Variants in C4orf50 observed in about 807,000 individuals in gnomAD.
C4orf50 encodes uncharacterized protein C4orf50.
In C4orf50, 80 loss-of-function variants were observed where a neutral mutation model predicts 77.2. That is an observed-to-expected ratio of 1.04 (90% CI 0.87 to 1.25). The LOEUF (loss-of-function observed/expected upper bound fraction) is 1.25, where lower values mean the gene tolerates loss of function less well. Among genes scored for constraint, C4orf50 ranks in the 50% most tolerant of loss-of-function variants. C4orf50 has a pLI of 0.00. For synonymous variants in C4orf50, 532 were observed against 465.3 expected, an observed-to-expected ratio of 1.14 and a Z score of -1.84; for missense variants, 1,257 against 1,152.9, an observed-to-expected ratio of 1.09 and a Z score of -1.31.
chr4:5,960,182 G>A (rs6822081), intron 33 of C4orf50, among the ~76,000 whole-genome samples: 83,263 of 152,074 alleles, frequency 0.55, 23,899 homozygotes, highest in Non-Finnish European at 0.64. Context: ...GCTCTGAAGT[G>A]GCTTCGACTT....
At chr4:5,931,689 T>C (rs1000516289) in intron 7 of C4orf50, among the ~76,000 whole-genome samples, 23 of 152,152 alleles carry the variant, frequency 1.5e-4, no homozygotes, top group African/African-American at 5.1e-4. Flanking sequence ...CACTCCACCC[T>C]CTCTGCAGGG....
At chr4:5,918,925 C>G (rs1054269443) in intron 7 of C4orf50, among the ~76,000 whole-genome samples, 2 of 152,176 alleles carry the variant, frequency 1.3e-5, no homozygotes, top group Non-Finnish European at 2.9e-5. Context: ...GCATACCCCT[C>G]CCAGGTGGTT....
At chr4:5,926,458 T>C (rs753220640) in intron 7 of C4orf50, among the ~76,000 whole-genome samples, 9 of 152,138 alleles carry the variant, frequency 5.9e-5, no homozygotes, top group Non-Finnish European at 1.3e-4. Flanking sequence ...AGACAGGGAC[T>C]GTCTAAAGGG....
chr4:5,932,275 A>G lies in C4orf50; in HGVS notation c.*2474+24626T>C, dbSNP rs1240620213. Among the ~76,000 whole-genome samples, 3 of 152,078 alleles carry G rather than the reference A, an allele frequency of 2.0e-5. No individual in the cohort carries two copies. Among genetic ancestry groups the G allele is most frequent in the Non-Finnish European group, 2.9e-5 (2 of 68,006 alleles). On this transcript the variant is annotated intron_variant, in intron 7 of 7. Coordinates refer to the C4orf50 transcript ENST00000324058. The surrounding 1 kb of genome is among the most constrained non-coding windows in gnomAD (Gnocchi z 4.2). ...CTCTGGCACACTCTTTCCTTGGCCC[A>G]TTTATGGAGCACGCACATGAGTAGC...
At chr4:6,014,477 A>G (rs192924421) in intron 23 of C4orf50, among the ~76,000 whole-genome samples, 2 of 152,292 alleles carry the variant, frequency 1.3e-5, no homozygotes, top group African/African-American at 4.8e-5. Flanking sequence ...TCTTCCTCAC[A>G]TTTCTAGCAA....
At chr4:5,937,770 C>T (rs535855122) in intron 7 of C4orf50, among the ~76,000 whole-genome samples, 1 of 152,176 alleles carries the variant, frequency 6.6e-6, no homozygotes, top group South Asian at 2.1e-4. Context: ...GCCCAAGAAA[C>T]TCAGAATAAC....
Position 5,910,196 on chromosome 4 carries a change from A to T in C4orf50, c.*2475-12008T>A, listed in dbSNP as rs546408552. Reference sequence around the variant, plus strand: ...GAGCAAGACACAGAGAAACATACATAAAAAAACCCCAAGAGAAACTGTTCA... The same window carrying T: ...GAGCAAGACACAGAGAAACATACATTAAAAAACCCCAAGAGAAACTGTTCA... On this transcript the variant is annotated intron_variant, in intron 7 of 7. Coordinates refer to the C4orf50 transcript ENST00000324058. Among the ~76,000 whole-genome samples the T allele has an allele frequency of 1.1e-4, 16 of 152,268 alleles. No individual in the cohort carries two copies. In the East Asian group the frequency reaches 1.5e-3, roughly 15 times the overall value.
intron 28 of C4orf50, among the ~76,000 whole-genome samples, chr4:5,987,479 A>T (rs1257042578): frequency 6.6e-6 from 1 of 151,630 alleles, no homozygotes; most frequent in Non-Finnish European, 1.5e-5. Context: ...ATCAAATACA[A>T]ACAATAAATA....
At chr4:5,998,883 A>T (rs1472232936) in intron 25 of C4orf50, among the ~76,000 whole-genome samples, 1 of 152,134 alleles carries the variant, frequency 6.6e-6, no homozygotes, top group Non-Finnish European at 1.5e-5. Context: ...GCCAAATATG[A>T]ATGGTTCTTA....
At chr4:6,001,918 A>G (rs572722585) in intron 25 of C4orf50, among the ~76,000 whole-genome samples, 43 of 152,310 alleles carry the variant, frequency 2.8e-4, no homozygotes, top group South Asian at 1.4e-3. Context: ...ACTGACAGCC[A>G]TGCATGTGAG....
intron 31 of C4orf50, 134 bp from the exon 10 acceptor site, chr4:5,967,596 T>C: frequency 1.4e-6 from 1 of 723,674 alleles, no homozygotes; most frequent in African/African-American, 1.7e-5. Context: ...GGACCAACCC[T>C]GCCTGTGTGC....
intron 23 of C4orf50, among the ~76,000 whole-genome samples, chr4:6,014,934 C>T (rs563011080): frequency 6.6e-6 from 1 of 152,300 alleles, no homozygotes; most frequent in African/African-American, 2.4e-5. Flanking sequence ...TCATGGTGTC[C>T]CCCTGGGAAT....
intron 7 of C4orf50, among the ~76,000 whole-genome samples, chr4:5,910,268 C>G (rs1716746768): frequency 6.6e-6 from 1 of 152,228 alleles, no homozygotes; most frequent in East Asian, 1.9e-4. Flanking sequence ...CAGGTTAAAC[C>G]TAGTTCAACT....
At position 5,905,985 on chromosome 4, in the gene C4orf50, T is replaced by G. The variant is rs114880492; in HGVS notation, c.*2475-7797A>C. Among the ~76,000 whole-genome samples, 3,003 of 151,888 alleles carry G rather than the reference T, an allele frequency of 0.02. 54 individuals are homozygous for G. The highest frequency in any genetic ancestry group is 0.046 in the South Asian group (221 of 4,808). ...CACGTTACAGAGGGTGACATAGGAA[T>G]CATCAAACAAATGCAAGTCCCAGGT... On this transcript the variant is annotated intron_variant, in intron 7 of 7. Coordinates refer to the C4orf50 transcript ENST00000324058. This position sits in a 1 kb window ranked among gnomAD's most constrained non-coding sequence, Gnocchi z 5.4.
intron 7 of C4orf50, among the ~76,000 whole-genome samples, chr4:5,918,241 C>T (rs1322929530): frequency 6.6e-6 from 1 of 152,168 alleles, no homozygotes; most frequent in Non-Finnish European, 1.5e-5. Context: ...AGAACGTCAG[C>T]CAGTTCAAAT....
chr4:6,004,179 A>ATAG (rs1722062984), intron 25 of C4orf50, among the ~76,000 whole-genome samples: 1 of 92,868 alleles, frequency 1.1e-5, no homozygotes, highest in Non-Finnish European at 2.2e-5. Context: ...GATGGTGATG[A>ATAG]TGGTGATGGT....
chr4:6,015,974 C>T lies in C4orf50; in HGVS notation c.287+2171G>A, dbSNP rs958404954. Among the ~76,000 whole-genome samples, 1 of 152,130 alleles carries T rather than the reference C, an allele frequency of 6.6e-6. No homozygotes were observed. Among genetic ancestry groups the T allele is most frequent in the East Asian group, 1.9e-4 (1 of 5,188 alleles). On this transcript the variant is annotated intron_variant, in intron 23 of 33. Coordinates refer to ENST00000531445, the Ensembl canonical transcript of C4orf50. The surrounding 1 kb of genome is among the most constrained non-coding windows in gnomAD (Gnocchi z 4.4). The stretch of plus-strand genomic sequence containing the variant: ...CATAGTCCCAGCCTGCGTGAGTGTG[C>T]GCGTGGGTGTGAGTGTCCTGTTCAG...
At chr4:5,897,708 C>T (rs1716182275) in exon 8 of C4orf50, 1 of 152,172 alleles carries the variant, frequency 6.6e-6, no homozygotes, top group Non-Finnish European at 1.5e-5. Flanking sequence ...AAAATGCCGG[C>T]CTATTTTACA....
intron 30 of C4orf50, 120 bp downstream of exon 8, chr4:5,975,779 G>A (rs571105856): frequency 1.7e-5 from 13 of 763,840 alleles, no homozygotes; most frequent in East Asian, 8.0e-5. Context: ...GTGAGCCACC[G>A]TGCCTGGCCC....
Sources: gnomAD v4.1 joint callset for allele counts (sites outside exome capture counted in the v4.1 genomes callset) on GRCh38, gnomAD v4.1.1 for gene constraint, Gnocchi (gnomAD v3.1) non-coding constraint, MANE v1.5 for transcripts, NCBI Gene and HGNC (gene_info 2026-07-23, HGNC 2026-07-21) for gene names.